The following ANTXR2 variants were observed in gnomAD, a reference collection of about 807,000 sequenced individuals.
ANTXR2 encodes the protein anthrax toxin receptor 2.
In ANTXR2, 44 loss-of-function variants were observed where a neutral mutation model predicts 73.7. The ratio of observed to expected loss-of-function variants is 0.60; its 90% confidence interval spans 0.47 to 0.77. The LOEUF is 0.77. Among genes scored for constraint, ANTXR2 ranks in the 30% least tolerant of loss-of-function variants. The probability of loss-of-function intolerance (pLI) is 0.00; values close to 1 mark genes in which losing one functional copy is unlikely to be tolerated. For missense variants in ANTXR2, 604 were observed against 592.5 expected, an observed-to-expected ratio of 1.02 and a Z score of -0.20; for synonymous variants, 217 against 205.9, an observed-to-expected ratio of 1.05 and a Z score of -0.46.
At position 79,967,158 on chromosome 4, in the gene ANTXR2, G is replaced by A. The variant is rs1400909931; in HGVS notation, c.1428+10463C>T. ...TTTCCGAGTCAAAGAAAGGGGTTAC[G>A]GATGCACCTGGAAAATCGGGTCACT... is the stretch of plus-strand genomic sequence containing the variant. On this transcript the variant is annotated intron_variant, in intron 16 of 16. Coordinates refer to ENST00000403729, the MANE Select transcript of ANTXR2 (RefSeq NM_058172.6). 4.6e-5 allele frequency among the ~76,000 whole-genome samples: 3 copies of A among 64,928 alleles called. 1 individual carries two copies. The highest frequency in any genetic ancestry group is 6.9e-5 in the Non-Finnish European group (2 of 28,896). The allele number at this position is 64,928 out of a possible 152,430, so 42.6% of individuals were successfully genotyped here. A position where few individuals can be genotyped will look rare whatever the true frequency, so the allele number is the denominator to read the frequency against.
At chr4:80,045,185 C>A (rs1733463077) in intron 7 of ANTXR2, among the ~76,000 whole-genome samples, 1 of 151,576 alleles carries the variant, frequency 6.6e-6, no homozygotes, top group African/African-American at 2.4e-5. Flanking sequence ...GTGTTATCTT[C>A]TTTTTAAAGT....
At chr4:79,936,527 T>C (rs1728267852) in intron 16 of ANTXR2, among the ~76,000 whole-genome samples, 1 of 152,200 alleles carries the variant, frequency 6.6e-6, no homozygotes, top group Admixed American at 6.5e-5. Flanking sequence ...AGTTTCCTTT[T>C]CTTTCAAGGT....
At chr4:79,919,920 T>A (rs1332126074) in intron 16 of ANTXR2, among the ~76,000 whole-genome samples, 62 of 14,926 alleles carry the variant, frequency 4.2e-3, no homozygotes, top group African/African-American at 0.011. Context: ...TATATATATA[T>A]AAAAAATGAT....
chr4:80,048,976 T>C (rs1295930595), intron 7 of ANTXR2, among the ~76,000 whole-genome samples: 2 of 151,798 alleles, frequency 1.3e-5, no homozygotes, highest in African/African-American at 4.8e-5. Context: ...TTTATGCTTG[T>C]ATACTTTCCC....
chr4:80,051,187 A>C (rs1463953676), intron 7 of ANTXR2, among the ~76,000 whole-genome samples: 1 of 151,732 alleles, frequency 6.6e-6, no homozygotes, highest in African/African-American at 2.4e-5. Flanking sequence ...CACTATAGGC[A>C]TATTGGCATT....
chr4:79,985,734 G>A (rs1034981138), intron 12 of ANTXR2, among the ~76,000 whole-genome samples: 2 of 152,008 alleles, frequency 1.3e-5, no homozygotes, highest in South Asian at 2.1e-4. Flanking sequence ...AACTCAGCCC[G>A]TAAGGATACA....
chr4:80,058,802 A>G (rs1734116801), intron 3 of ANTXR2, among the ~76,000 whole-genome samples: 1 of 152,130 alleles, frequency 6.6e-6, no homozygotes, highest in Admixed American at 6.6e-5. Context: ...GATCAGCTTC[A>G]CTGAGTTTGG....
intron 16 of ANTXR2, among the ~76,000 whole-genome samples, chr4:79,911,696 A>C (rs1727145896): frequency 6.6e-6 from 1 of 151,958 alleles, no homozygotes; most frequent in South Asian, 2.1e-4. Flanking sequence ...CAGGTGGCAT[A>C]AGTGTTTAGA....
intron 12 of ANTXR2, among the ~76,000 whole-genome samples, chr4:79,986,476 T>G (rs1578132509): frequency 6.6e-6 from 1 of 152,202 alleles, no homozygotes; most frequent in Non-Finnish European, 1.5e-5. Context: ...TGTACAAATA[T>G]TTCCAGGTGA....
At chr4:80,026,027 C>T (rs1439041397) in intron 10 of ANTXR2, among the ~76,000 whole-genome samples, 1 of 152,194 alleles carries the variant, frequency 6.6e-6, no homozygotes, top group African/African-American at 2.4e-5. Context: ...AAACAATCAC[C>T]AAGTCAATTT....
At chr4:80,015,412 C>G (rs1578156745) in intron 11 of ANTXR2, among the ~76,000 whole-genome samples, 1 of 152,294 alleles carries the variant, frequency 6.6e-6, no homozygotes, top group Non-Finnish European at 1.5e-5. Flanking sequence ...CTACCACCAT[C>G]AGTCAATTTA....
rs553444910 is a variant in ANTXR2 at position 80,007,838 on chromosome 4, A to T, written c.1041+683T>A. 2.4e-4 allele frequency among the ~76,000 whole-genome samples: 37 copies of T among 152,334 alleles called. 1 individual carries two copies. Among genetic ancestry groups the T allele is most frequent in the African/African-American group, 8.4e-4 (35 of 41,578 alleles). On this transcript the variant is annotated intron_variant, in intron 12 of 16. Transcript: ENST00000403729. ...CCTTCCAACACATTTTAGTCCACGT[A>T]AACCCAGTGAGACTCATGTGAAAGC...
chr4:80,013,008 C>T (rs941374196), intron 11 of ANTXR2, among the ~76,000 whole-genome samples: 36 of 152,254 alleles, frequency 2.4e-4, no homozygotes, highest in African/African-American at 7.7e-4. Flanking sequence ...CTGAACACAG[C>T]GTCTAGCACT....
At chr4:79,954,318 C>T (rs1296995431) in intron 16 of ANTXR2, among the ~76,000 whole-genome samples, 1 of 152,134 alleles carries the variant, frequency 6.6e-6, no homozygotes, top group African/African-American at 2.4e-5. Context: ...CATGTCCAGA[C>T]TTACTTGACA....
intron 16 of ANTXR2, among the ~76,000 whole-genome samples, chr4:79,909,246 A>G (rs1054998250): frequency 6.6e-6 from 1 of 152,180 alleles, no homozygotes; most frequent in African/African-American, 2.4e-5. Context: ...TTTTCTGTAC[A>G]AGTTTGAAAA....
intron 12 of ANTXR2, among the ~76,000 whole-genome samples, chr4:79,989,120 A>G (rs1730342712): frequency 6.6e-6 from 1 of 152,184 alleles, no homozygotes; most frequent in African/African-American, 2.4e-5. Context: ...CCCCAAAGCT[A>G]GCAGAAGAAA....
chr4:80,045,343 C>T (rs1044650357), intron 7 of ANTXR2, among the ~76,000 whole-genome samples: 2 of 151,756 alleles, frequency 1.3e-5, no homozygotes, highest in Non-Finnish European at 2.9e-5. Context: ...TATACATTCA[C>T]ATGTGCTACC....
At chr4:79,946,135 C>T (rs867818205) in intron 16 of ANTXR2, among the ~76,000 whole-genome samples, 1 of 151,956 alleles carries the variant, frequency 6.6e-6, no homozygotes, top group Non-Finnish European at 1.5e-5. Flanking sequence ...ATAACGATCC[C>T]CATTTAAAAT....
chr4:79,998,835 A>G (rs1192110915), intron 12 of ANTXR2, among the ~76,000 whole-genome samples: 1 of 151,982 alleles, frequency 6.6e-6, no homozygotes, highest in Non-Finnish European at 1.5e-5. Flanking sequence ...TGAAAACTCA[A>G]CACAATCTAT....
Sources: gnomAD v4.1 joint callset for allele counts (sites outside exome capture counted in the v4.1 genomes callset) on GRCh38, gnomAD v4.1.1 for gene constraint, MANE v1.5 for transcripts, NCBI Gene and HGNC (gene_info 2026-07-23, HGNC 2026-07-21) for gene names.